TENM3: variants seen among roughly 807,000 people sequenced by gnomAD.
The protein encoded by TENM3 is teneurin transmembrane protein 3.
Under a neutral mutation model 255.1 loss-of-function variants are expected in TENM3, and 63 were observed. That is an observed-to-expected ratio of 0.25 (90% CI 0.20 to 0.30). The LOEUF is 0.30. Among genes scored for constraint, TENM3 ranks in the 10% least tolerant of loss-of-function variants. The pLI is 1.00. For synonymous variants in TENM3, 1,306 were observed against 1,322.3 expected (o/e 0.99, Z 0.27); for missense variants, 2,929 against 3,461.1 (o/e 0.85, Z 3.86).
chr4:182,373,649 C>T (rs546373314), intron 3 of TENM3, among the ~76,000 whole-genome samples: 5 of 152,252 alleles, frequency 3.3e-5, no homozygotes, highest in East Asian at 1.9e-4. Context: ...ACCTCCCACA[C>T]GGCTCCACCT....
chr4:181,945,420 T>G, the TENM3 span, among the ~76,000 whole-genome samples: 1 of 152,054 alleles, frequency 6.6e-6, no homozygotes. Flanking sequence ...GACGTAGGAA[T>G]GTTATCATGG....
chr4:181,933,942 A>G, the TENM3 span, among the ~76,000 whole-genome samples: 2 of 152,172 alleles, frequency 1.3e-5, no homozygotes, highest in East Asian at 1.9e-4. Flanking sequence ...CTTCCTGGCT[A>G]TCTTTATTTA....
At chr4:181,492,371 G>T in the TENM3 span, among the ~76,000 whole-genome samples, 2 of 152,128 alleles carry the variant, frequency 1.3e-5, no homozygotes, top group Non-Finnish European at 2.9e-5. Flanking sequence ...TAACCAAGAG[G>T]CATTGTAAGT....
At chr4:181,945,062 G>C in the TENM3 span, among the ~76,000 whole-genome samples, 21 of 152,114 alleles carry the variant, frequency 1.4e-4, no homozygotes, top group African/African-American at 5.1e-4. Flanking sequence ...ACCTTAATGT[G>C]ATGAAATTAA....
chr4:181,844,032 T>C, the TENM3 span, among the ~76,000 whole-genome samples: 1 of 152,062 alleles, frequency 6.6e-6, no homozygotes, highest in African/African-American at 2.4e-5. Context: ...GCCTTCTTAC[T>C]GTGCTGCCTC....
At chr4:182,569,945 G>T (rs183592391) in intron 3 of TENM3, among the ~76,000 whole-genome samples, 7 of 152,266 alleles carry the variant, frequency 4.6e-5, no homozygotes, top group Admixed American at 4.6e-4. Context: ...GTGCAGGTAG[G>T]ATATATTAGG....
intron 3 of TENM3, among the ~76,000 whole-genome samples, chr4:182,476,940 A>T: frequency 6.6e-6 from 1 of 152,172 alleles, no homozygotes; most frequent in Non-Finnish European, 1.5e-5. Flanking sequence ...ACCCAATTGA[A>T]ATGAGTCTGT....
the TENM3 span, among the ~76,000 whole-genome samples, chr4:181,961,110 G>A: frequency 6.6e-6 from 1 of 152,072 alleles, no homozygotes; most frequent in Non-Finnish European, 1.5e-5. Context: ...ATTATCCATG[G>A]GCACCCACTA....
the TENM3 span, among the ~76,000 whole-genome samples, chr4:181,888,492 G>GTGTATATATATATA: frequency 6.3e-5 from 1 of 15,798 alleles, no homozygotes; most frequent in African/African-American, 1.9e-4. Flanking sequence ...CAATAGAAAT[G>GTGTATATATATATA]TGTATATATA....
rs186588450 is a variant in TENM3, at chr4:182,658,128, C to G, written c.1111+4235C>G. ...CTGATGTCTCCAGAGTTACCCATTG[C>G]TTTGTCAGTAGCACCAGTGAAACCT... On this transcript the variant is annotated intron_variant, in intron 6 of 27. Coordinates refer to ENST00000511685, the MANE Select transcript of TENM3 (RefSeq NM_001080477.4). Among the ~76,000 whole-genome samples, 3 of 152,330 alleles carry G rather than the reference C, an allele frequency of 2.0e-5. No individual in the cohort carries two copies. The East Asian group carries it at 5.8e-4, about 29-fold the overall frequency.
At chr4:182,334,532 T>C (rs750171379) in intron 2 of TENM3, among the ~76,000 whole-genome samples, 1 of 152,094 alleles carries the variant, frequency 6.6e-6, no homozygotes, top group Non-Finnish European at 1.5e-5. Flanking sequence ...GAGGACAAAA[T>C]GGAGTTAATA....
chr4:181,467,323 C>G, the TENM3 span, among the ~76,000 whole-genome samples: 1 of 148,376 alleles, frequency 6.7e-6, no homozygotes, highest in Non-Finnish European at 1.5e-5. Flanking sequence ...TTAGTAGAGA[C>G]GGGGTTTCGC....
chr4:181,485,489 T>TAA, the TENM3 span, among the ~76,000 whole-genome samples: 1,129 of 151,562 alleles, frequency 7.4e-3, 16 homozygotes, highest in African/African-American at 0.025. Flanking sequence ...AGATTTTTTT[T>TAA]AAAAAAAAGA....
At chr4:181,465,997 A>T in the TENM3 span, among the ~76,000 whole-genome samples, 1 of 152,192 alleles carries the variant, frequency 6.6e-6, no homozygotes, top group East Asian at 1.9e-4. Flanking sequence ...CAAATTGTGC[A>T]TCAGAAGCCG....
chr4:182,471,042 G>A (rs1733075503), intron 3 of TENM3, among the ~76,000 whole-genome samples: 2 of 152,134 alleles, frequency 1.3e-5, no homozygotes, highest in South Asian at 4.1e-4. Flanking sequence ...AATTTTATTT[G>A]CATTTGTTTT....
At chr4:181,916,114 TCTG>T in the TENM3 span, among the ~76,000 whole-genome samples, 3 of 151,818 alleles carry the variant, frequency 2.0e-5, no homozygotes, top group Non-Finnish European at 2.9e-5. Context: ...TTTAACATAT[TCTG>T]CTCCCCCTAA....
chr4:181,888,532 A>ATATATATATGTG, the TENM3 span, among the ~76,000 whole-genome samples: 1 of 78,750 alleles, frequency 1.3e-5, no homozygotes, highest in Admixed American at 1.5e-4. Flanking sequence ...ATATACATAT[A>ATATATATATGTG]TGTGTATATA....
chr4:182,438,818 C>T (rs1181836752), intron 3 of TENM3, among the ~76,000 whole-genome samples: 4 of 152,152 alleles, frequency 2.6e-5, no homozygotes, highest in African/African-American at 9.7e-5. Flanking sequence ...CTTCTTCTGC[C>T]TTAATTTTTA....
intron 1 of TENM3, among the ~76,000 whole-genome samples, chr4:182,169,659 A>T (rs956915710): frequency 6.6e-6 from 1 of 152,134 alleles, no homozygotes; most frequent in South Asian, 2.1e-4. Flanking sequence ...AGATATCTCT[A>T]CTACAGTAAT....
Sources: gnomAD v4.1 joint callset for allele counts (sites outside exome capture counted in the v4.1 genomes callset) on GRCh38, gnomAD v4.1.1 for gene constraint, MANE v1.5 for transcripts, NCBI Gene and HGNC (gene_info 2026-07-23, HGNC 2026-07-21) for gene names.